The following CRISPLD2 variants were observed in gnomAD, a reference collection of about 807,000 sequenced individuals.
The protein encoded by CRISPLD2 is cysteine-rich secretory protein LCCL domain-containing 2.
Under a neutral mutation model 71.1 loss-of-function variants are expected in CRISPLD2, and 47 were observed. The ratio of observed to expected loss-of-function variants is 0.66; its 90% confidence interval spans 0.52 to 0.84. The LOEUF (loss-of-function observed/expected upper bound fraction) is 0.84. CRISPLD2 is among the 40% of genes least tolerant of loss of function. The pLI, the probability that CRISPLD2 is intolerant of heterozygous loss-of-function variation, is 0.00. For synonymous variants in CRISPLD2, 317 were observed against 250.1 expected (o/e 1.27, Z -2.52); for missense variants, 830 against 651.1 (o/e 1.27, Z -2.99).
Position 84,889,246 on chromosome 16 carries a change from A to G in CRISPLD2, c.1322A>G (p.Lys441Arg). Residue 441 changes from lysine to arginine, a missense_variant, in exon 14 of 15, where the codon AAG becomes AGG. Transcript: ENST00000262424. ...NIYADTSSICKTAVHAGVISN... is the reference protein window; with the variant it reads ...NIYADTSSICRTAVHAGVISN... Reference sequence around the variant, plus strand: ...TGCTTCCAGACCTCAAGCATCTGCAAGACAGCCGTGCACGCGGGAGTCATC... The same window carrying G: ...TGCTTCCAGACCTCAAGCATCTGCAGGACAGCCGTGCACGCGGGAGTCATC... The G allele has an allele frequency of 1.2e-6, 2 of 1,614,152 alleles. No homozygotes were observed. The highest frequency in any genetic ancestry group is 1.7e-5 in the Admixed American group (1 of 60,022).
In CRISPLD2 at chr16:84,838,421, G is replaced by A; in HGVS notation, c.-74-1G>A. ...TCCCACCACCCTCTGCTTCCTTTCA[G>A]AGCTCAAGCGCCCAGCTCTGCCCGA... On this transcript the variant is annotated splice_acceptor_variant, in intron 1 of 14. Transcript: ENST00000262424. LOFTEE classifies it low-confidence loss of function (5UTR_SPLICE). The A allele has an allele frequency of 6.5e-7, 1 of 1,550,156 alleles. No homozygotes were observed. Among genetic ancestry groups the A allele is most frequent in the Non-Finnish European group, 8.7e-7 (1 of 1,147,030 alleles).
At position 84,833,724 on chromosome 16, in the gene CRISPLD2, T is replaced by G. The variant is rs373246548; in HGVS notation, c.-74-4698T>G. 5.3e-5 allele frequency among the ~76,000 whole-genome samples: 8 copies of G among 152,058 alleles called. No individual in the cohort carries two copies. In the East Asian group the frequency reaches 5.8e-4, roughly 11 times the overall value. On this transcript the variant is annotated intron_variant, in intron 1 of 14. Coordinates refer to ENST00000262424, the MANE Select transcript of CRISPLD2 (RefSeq NM_031476.4). ...GGCGAGTGGGCAGCACCGATGGTGG[T>G]GGGGGGGCGTGTTTGTGTTGGTGGA...
chr16:84,902,490 G>C (rs1396216443), intron 14 of CRISPLD2, among the ~76,000 whole-genome samples: 1 of 151,642 alleles, frequency 6.6e-6, no homozygotes, highest in African/African-American at 2.4e-5. Context: ...GACACTTGTA[G>C]TCCCAGCTAC....
At chr16:84,850,436 G>A (rs1917053543) in intron 4 of CRISPLD2, 132 bp from the exon 5 acceptor site, 1 of 702,880 alleles carries the variant, frequency 1.4e-6, no homozygotes. Context: ...ATGGGTTAGG[G>A]ACTAATATCT....
intron 6 of CRISPLD2, among the ~76,000 whole-genome samples, chr16:84,859,974 A>C (rs757526867): frequency 3.9e-5 from 6 of 152,200 alleles, no homozygotes; most frequent in Non-Finnish European, 7.3e-5. Flanking sequence ...CTGCCTTTAC[A>C]AATCTATTTC....
intron 8 of CRISPLD2, among the ~76,000 whole-genome samples, chr16:84,870,690 T>C (rs1464809958): frequency 6.6e-6 from 1 of 152,242 alleles, no homozygotes; most frequent in East Asian, 1.9e-4. Context: ...CCTGATACTC[T>C]GACACACGAC....
chr16:84,897,329 G>A (rs2143373316), intron 14 of CRISPLD2, among the ~76,000 whole-genome samples: 1 of 150,890 alleles, frequency 6.6e-6, no homozygotes, highest in Non-Finnish European at 1.5e-5. Context: ...GCATGCACCT[G>A]TAGTCCCAGG....
chr16:84,864,899 C>T (rs572725669), intron 6 of CRISPLD2, among the ~76,000 whole-genome samples: 5 of 152,194 alleles, frequency 3.3e-5, no homozygotes, highest in African/African-American at 1.2e-4. Context: ...CACCTTCTGA[C>T]TTAAACCCGT....
At chr16:84,841,324 T>G (rs898403986) in intron 2 of CRISPLD2, among the ~76,000 whole-genome samples, 4 of 152,048 alleles carry the variant, frequency 2.6e-5, no homozygotes, top group African/African-American at 9.7e-5. Flanking sequence ...CACCACCGCC[T>G]CGTGAGTCTC....
chr16:84,868,779 T>G, intron 7 of CRISPLD2, 72 bp from the exon 8 acceptor site: 3 of 1,215,830 alleles, frequency 2.5e-6, no homozygotes, highest in Non-Finnish European at 2.4e-6. Context: ...AGAATGTCCC[T>G]CAGCATGGGG....
intron 6 of CRISPLD2, 69 bp from the exon 7 acceptor site, chr16:84,866,828 T>A: frequency 6.7e-7 from 1 of 1,501,918 alleles, no homozygotes; most frequent in Non-Finnish European, 9.1e-7. Context: ...AAATTGCTTT[T>A]TTTTCCCCAA....
intron 12 of CRISPLD2, among the ~76,000 whole-genome samples, chr16:84,878,165 A>C (rs2143307450): frequency 6.6e-6 from 1 of 152,106 alleles, no homozygotes; most frequent in East Asian, 1.9e-4. Context: ...TGGAGCTTGC[A>C]GTGAGCCGAG....
intron 6 of CRISPLD2, among the ~76,000 whole-genome samples, chr16:84,862,187 C>T (rs369296253): frequency 1.3e-5 from 2 of 151,930 alleles, no homozygotes; most frequent in African/African-American, 2.4e-5. Context: ...GCTGTTGGGG[C>T]GGTGCGATTT....
rs144968999 is a variant in CRISPLD2, at chr16:84,895,219, C to G, written c.1439+5856C>G. The stretch of plus-strand genomic sequence containing the variant: ...AGAGGTTAAACGACTTGCCCAAGGT[C>G]ACCCAGCCTACCAGGGGCAGAGCTG... On this transcript the variant is annotated intron_variant, in intron 14 of 14. Transcript: ENST00000262424. Among the ~76,000 whole-genome samples the G allele has an allele frequency of 3.5e-3, 529 of 152,292 alleles. 5 individuals carry two copies. The highest frequency in any genetic ancestry group is 0.012 in the African/African-American group (517 of 41,560).
At chr16:84,829,866 C>T (rs896518472) in intron 1 of CRISPLD2, among the ~76,000 whole-genome samples, 1 of 152,216 alleles carries the variant, frequency 6.6e-6, no homozygotes, top group African/African-American at 2.4e-5. Context: ...GAGTAGAGGG[C>T]CCAGGCCACG....
intron 1 of CRISPLD2, among the ~76,000 whole-genome samples, chr16:84,826,138 G>A (rs1351475379): frequency 6.6e-6 from 1 of 152,066 alleles, no homozygotes; most frequent in African/African-American, 2.4e-5. Flanking sequence ...TGGCACAAAG[G>A]TGGGGCATGG....
chr16:84,858,560 A>C (rs1206256627), intron 6 of CRISPLD2, among the ~76,000 whole-genome samples: 1 of 152,232 alleles, frequency 6.6e-6, no homozygotes, highest in African/African-American at 2.4e-5. Context: ...TGTCTCACCA[A>C]TAAGTCCAAC....
intron 1 of CRISPLD2, among the ~76,000 whole-genome samples, chr16:84,822,338 A>C (rs1916248571): frequency 6.6e-6 from 1 of 152,164 alleles, no homozygotes; most frequent in Non-Finnish European, 1.5e-5. Context: ...ACCACAAATT[A>C]AGTATGTGGC....
At chr16:84,831,296 C>A (rs1384483841) in intron 1 of CRISPLD2, among the ~76,000 whole-genome samples, 1 of 152,132 alleles carries the variant, frequency 6.6e-6, no homozygotes, top group East Asian at 1.9e-4. Context: ...CACATGACAT[C>A]TTGGACATCT....
Sources: allele counts gnomAD v4.1 joint callset (sites outside exome capture counted in the v4.1 genomes callset), GRCh38; gene constraint gnomAD v4.1.1; transcripts MANE v1.5; gene names NCBI Gene and HGNC (gene_info 2026-07-23, HGNC 2026-07-21).